The following S100Z variants were observed in gnomAD, a reference collection of about 807,000 sequenced individuals.
The protein encoded by S100Z is S100 calcium binding protein Z.
Under a neutral mutation model 8.5 loss-of-function variants are expected in S100Z, and 11 were observed. The ratio of observed to expected loss-of-function variants is 1.30; its 90% confidence interval spans 0.82 to 2.15. The LOEUF is 2.15. S100Z is among the 30% of genes most tolerant of loss of function. S100Z has a pLI of 0.00. For synonymous variants in S100Z, 34 were observed against 43.8 expected (o/e 0.78, Z 0.89); for missense variants, 126 against 117.9 (o/e 1.07, Z -0.32).
chr5:76,850,333 G>GCA (rs146055376), intron 1 of S100Z, among the ~76,000 whole-genome samples, 178 bp downstream of exon 1: 12,801 of 122,482 alleles, frequency 0.1, 1,284 homozygotes, highest in African/African-American at 0.27. Flanking sequence ...CGGGGGGGTG[G>GCA]GGGAGAGAGA....
chr5:76,902,782 A>G (rs886639524), intron 4 of S100Z, among the ~76,000 whole-genome samples: 7 of 152,136 alleles, frequency 4.6e-5, no homozygotes, highest in Admixed American at 6.6e-5. Flanking sequence ...TCCACAGAAC[A>G]TTAGGACAGA....
intron 4 of S100Z, among the ~76,000 whole-genome samples, chr5:76,919,466 C>G (rs1744963137): frequency 6.6e-6 from 1 of 152,064 alleles, no homozygotes; most frequent in African/African-American, 2.4e-5. Context: ...TTTTTATATA[C>G]TTGCCATCTT....
At chr5:76,883,011 T>G (rs1743469607) in intron 4 of S100Z, among the ~76,000 whole-genome samples, 3 of 152,184 alleles carry the variant, frequency 2.0e-5, no homozygotes, top group African/African-American at 7.2e-5. Context: ...AGGCTTGTCT[T>G]GTTTTAGGAC....
In S100Z at chr5:76,896,736, C is replaced by T. The variant is rs185909270; in HGVS notation, c.*2+18902C>T. ...CTTTTGGATATAAGTAATTTTAACC[C>T]GGGGTGAGATAATATCTCATTGTAG... On this transcript the variant is annotated intron_variant, in intron 4 of 4. Coordinates refer to ENST00000317593, the MANE Select transcript of S100Z (RefSeq NM_130772.4). 4.5e-3 allele frequency among the ~76,000 whole-genome samples: 688 copies of T among 152,232 alleles called. 2 individuals carry two copies. The highest frequency in any genetic ancestry group is 7.2e-3 in the Non-Finnish European group (490 of 68,002).
At chr5:76,863,689 C>T (rs561870312) in intron 1 of S100Z, among the ~76,000 whole-genome samples, 5 of 152,070 alleles carry the variant, frequency 3.3e-5, no homozygotes, top group Admixed American at 6.5e-5. Flanking sequence ...CAGGCACCCG[C>T]CACCACACCC....
chr5:76,906,642 T>G (rs1294487173), intron 4 of S100Z, among the ~76,000 whole-genome samples: 5 of 35,988 alleles, frequency 1.4e-4, no homozygotes, highest in African/African-American at 2.6e-4. Context: ...TTGTTTTTTG[T>G]TTTTTTTTGA....
At chr5:76,910,505 G>A (rs938332090) in intron 4 of S100Z, among the ~76,000 whole-genome samples, 7 of 152,108 alleles carry the variant, frequency 4.6e-5, no homozygotes, top group East Asian at 3.9e-4. Flanking sequence ...CCAATCACCC[G>A]GGATGGCTTG....
At chr5:76,880,307 C>G (rs1313199826) in intron 4 of S100Z, among the ~76,000 whole-genome samples, 2 of 152,150 alleles carry the variant, frequency 1.3e-5, no homozygotes, top group African/African-American at 4.8e-5. Flanking sequence ...GATATGATGG[C>G]TTAGCTTGGG....
Position 76,895,092 on chromosome 5 carries a change from CCTCTGCATTGT to C in S100Z, c.*2+17260_*2+17270del, listed in dbSNP as rs1436602831. On this transcript the variant is annotated intron_variant, in intron 4 of 4. Coordinates refer to ENST00000317593, the MANE Select transcript of S100Z (RefSeq NM_130772.4). Reference sequence around the variant, plus strand: ...TATTTAGCCATGCGTGGCCACTCCCCCTCTGCATTGTCAGTTATTTCTTAAAATGACCCTAG... The same window carrying C: ...TATTTAGCCATGCGTGGCCACTCCCCCAGTTATTTCTTAAAATGACCCTAG... Among the ~76,000 whole-genome samples, 3 of 152,074 alleles carry C rather than the reference CCTCTGCATTGT, an allele frequency of 2.0e-5. No homozygotes were observed. In the East Asian group the frequency reaches 5.8e-4, roughly 29 times the overall value.
At chr5:76,923,191 C>T (rs1048979501), downstream of S100Z, among the ~76,000 whole-genome samples, 2 of 152,154 alleles carry the variant, frequency 1.3e-5, no homozygotes, top group African/African-American at 2.4e-5. Context: ...CCACAGATTA[C>T]ATTTGGTTCT....
intron 4 of S100Z, among the ~76,000 whole-genome samples, chr5:76,886,176 G>A (rs1743622329): frequency 6.6e-6 from 1 of 152,188 alleles, no homozygotes; most frequent in Non-Finnish European, 1.5e-5. Context: ...GTCCCCGTGA[G>A]GTCAGACACC....
At chr5:76,923,539 G>A (rs1258283380), downstream of S100Z, among the ~76,000 whole-genome samples, 5 of 152,128 alleles carry the variant, frequency 3.3e-5, no homozygotes, top group Admixed American at 6.5e-5. Flanking sequence ...GCAGGCTAGA[G>A]GGGTGGGAGG....
the S100Z span, among the ~76,000 whole-genome samples, chr5:76,937,153 T>C: frequency 6.6e-6 from 1 of 152,132 alleles, no homozygotes. Flanking sequence ...AAATGGCTTC[T>C]TCATAAAGGC....
chr5:76,897,957 A>C (rs972045836), intron 4 of S100Z, among the ~76,000 whole-genome samples: 1 of 152,096 alleles, frequency 6.6e-6, no homozygotes, highest in Non-Finnish European at 1.5e-5. Flanking sequence ...TTTCTTTCCA[A>C]TTTGAATGCC....
chr5:76,855,024 G>A (rs924009618), intron 1 of S100Z, among the ~76,000 whole-genome samples: 1 of 152,254 alleles, frequency 6.6e-6, no homozygotes, highest in Admixed American at 6.5e-5. Context: ...AAGCCTTGGT[G>A]GTTTCCACAT....
chr5:76,900,075 G>A (rs1428690327), intron 4 of S100Z, among the ~76,000 whole-genome samples: 1 of 152,148 alleles, frequency 6.6e-6, no homozygotes, highest in African/African-American at 2.4e-5. Flanking sequence ...CTCTTGGCCT[G>A]TAAGGTTTCC....
intron 4 of S100Z, among the ~76,000 whole-genome samples, chr5:76,899,903 C>A (rs772060039): frequency 1.3e-5 from 2 of 152,040 alleles, no homozygotes; most frequent in Non-Finnish European, 1.5e-5. Context: ...TCATGTACTC[C>A]CTTGAACACT....
At chr5:76,883,722 G>A (rs1171390788) in intron 4 of S100Z, among the ~76,000 whole-genome samples, 10 of 152,226 alleles carry the variant, frequency 6.6e-5, no homozygotes, top group Admixed American at 5.2e-4. Context: ...GGCTCCGGGA[G>A]TGGCTGCCAG....
chr5:76,931,510 C>T, the S100Z span, among the ~76,000 whole-genome samples: 1 of 152,172 alleles, frequency 6.6e-6, no homozygotes, highest in South Asian at 2.1e-4. Context: ...GTCCCATCTC[C>T]AAACACTATC....
Sources: gnomAD v4.1 joint callset for allele counts (sites outside exome capture counted in the v4.1 genomes callset) on GRCh38, gnomAD v4.1.1 for gene constraint, MANE v1.5 for transcripts, NCBI Gene and HGNC (gene_info 2026-07-23, HGNC 2026-07-21) for gene names.